Variants in CSMD1 observed in about 807,000 individuals in gnomAD.
The protein encoded by CSMD1 is CUB and Sushi multiple domains 1.
CSMD1 carries 213 observed loss-of-function variants against 417.5 expected under a neutral mutation model. That is an observed-to-expected ratio of 0.51 (90% confidence interval 0.46 to 0.57). The LOEUF (loss-of-function observed/expected upper bound fraction) is 0.57. Among genes scored for constraint, CSMD1 ranks in the 20% least tolerant of loss-of-function variants. The pLI is 0.00. For missense variants in CSMD1, 6,923 were observed against 4,529.7 expected (o/e 1.53, Z -15.17); for synonymous variants, 2,862 against 1,736.8 (o/e 1.65, Z -16.11).
intron 1 of CSMD1, among the ~76,000 whole-genome samples, chr8:4,981,085 C>T (rs1251721296): frequency 6.6e-6 from 1 of 152,146 alleles, no homozygotes. Flanking sequence ...TGCATCTTTG[C>T]AGATATTTCC....
chr8:3,937,163 G>A (rs1432589137), intron 5 of CSMD1, among the ~76,000 whole-genome samples: 1 of 152,156 alleles, frequency 6.6e-6, no homozygotes, highest in African/African-American at 2.4e-5. Flanking sequence ...TTCTTTAGAT[G>A]AAATCTACTC....
intron 7 of CSMD1, among the ~76,000 whole-genome samples, chr8:3,636,304 A>C (rs1797043366): frequency 6.6e-6 from 1 of 152,148 alleles, no homozygotes; most frequent in Non-Finnish European, 1.5e-5. Flanking sequence ...AGGCTGTTGT[A>C]CAGGCCGGGA....
chr8:4,897,372 C>G (rs1804565759), intron 1 of CSMD1, among the ~76,000 whole-genome samples: 2 of 151,986 alleles, frequency 1.3e-5, no homozygotes. Context: ...GAGTGGGGTA[C>G]CAATTCAATC....
At chr8:4,773,703 A>T (rs1236699558) in intron 1 of CSMD1, among the ~76,000 whole-genome samples, 2 of 152,184 alleles carry the variant, frequency 1.3e-5, no homozygotes, top group Non-Finnish European at 2.9e-5. Flanking sequence ...ACGCTAGTGT[A>T]TAAGCACCAC....
chr8:4,434,614 C>G (rs962954220), intron 2 of CSMD1, among the ~76,000 whole-genome samples: 2 of 152,138 alleles, frequency 1.3e-5, no homozygotes, highest in East Asian at 1.9e-4. Context: ...CCAAAATTTC[C>G]ACCCAATTAA....
At chr8:3,364,153 A>G (rs1035401410) in intron 20 of CSMD1, among the ~76,000 whole-genome samples, 1 of 150,326 alleles carries the variant, frequency 6.7e-6, no homozygotes, top group Non-Finnish European at 1.5e-5. Flanking sequence ...AGTTATTTGT[A>G]TACTTAAAAA....
chr8:3,905,659 CTGCCAGTCCAGGAACCACT>C (rs1361234289), intron 5 of CSMD1, among the ~76,000 whole-genome samples: 1 of 152,212 alleles, frequency 6.6e-6, no homozygotes, highest in Non-Finnish European at 1.5e-5. Context: ...AATGCTCATA[CTGCCAGTCCAGGAACCACT>C]CTTTGAGAAC....
At chr8:4,124,339 G>C (rs1177758780) in intron 3 of CSMD1, among the ~76,000 whole-genome samples, 1 of 152,150 alleles carries the variant, frequency 6.6e-6, no homozygotes, top group Non-Finnish European at 1.5e-5. Flanking sequence ...TTCTAAATGA[G>C]AAACTTTTCT....
At chr8:3,921,809 T>C (rs1307016887) in intron 5 of CSMD1, among the ~76,000 whole-genome samples, 1 of 152,162 alleles carries the variant, frequency 6.6e-6, no homozygotes, top group Non-Finnish European at 1.5e-5. Flanking sequence ...TAACATATGA[T>C]CTATCCTGGA....
At chr8:4,291,605 T>C (rs1170434660) in intron 3 of CSMD1, among the ~76,000 whole-genome samples, 1 of 152,210 alleles carries the variant, frequency 6.6e-6, no homozygotes, top group African/African-American at 2.4e-5. Context: ...TCTGTGGTCA[T>C]TTTTCTTGTG....
chr8:3,414,877 T>A (rs186788288), intron 12 of CSMD1, among the ~76,000 whole-genome samples: 1 of 152,194 alleles, frequency 6.6e-6, no homozygotes, highest in Non-Finnish European at 1.5e-5. Context: ...AGTCTGCGCT[T>A]GCTCGGGGAT....
chr8:4,451,783 A>ATTGT (rs1170947667), intron 2 of CSMD1, among the ~76,000 whole-genome samples: 2 of 152,082 alleles, frequency 1.3e-5, no homozygotes, highest in Non-Finnish European at 2.9e-5. Context: ...GTATTTGAGC[A>ATTGT]GGATCCACAA....
chr8:4,097,977 C>A (rs1801109145), intron 3 of CSMD1, among the ~76,000 whole-genome samples: 1 of 152,076 alleles, frequency 6.6e-6, no homozygotes, highest in Non-Finnish European at 1.5e-5. Flanking sequence ...TTTTTAGAAT[C>A]TGTGGATCAG....
chr8:4,393,245 G>C (rs1409861407), intron 3 of CSMD1, among the ~76,000 whole-genome samples: 2 of 152,082 alleles, frequency 1.3e-5, no homozygotes, highest in Non-Finnish European at 2.9e-5. Context: ...CAAAGTGCTG[G>C]GATTACAGGC....
chr8:3,338,881 T>A (rs1003344412), intron 23 of CSMD1, among the ~76,000 whole-genome samples: 3 of 151,600 alleles, frequency 2.0e-5, no homozygotes, highest in African/African-American at 4.8e-5. Context: ...CATGTGCACA[T>A]TGTGCAGGTT....
chr8:3,533,862 G>A (rs1798080945), intron 10 of CSMD1, among the ~76,000 whole-genome samples: 1 of 152,092 alleles, frequency 6.6e-6, no homozygotes, highest in Non-Finnish European at 1.5e-5. Context: ...TAGTCTGTAG[G>A]TATCTACAAT....
chr8:4,208,047 G>A (rs1299969890), intron 3 of CSMD1, among the ~76,000 whole-genome samples: 2 of 151,974 alleles, frequency 1.3e-5, no homozygotes, highest in Non-Finnish European at 1.5e-5. Flanking sequence ...AATATATGAG[G>A]GTAATTCACT....
intron 1 of CSMD1, among the ~76,000 whole-genome samples, chr8:4,848,227 A>G (rs2116816664): frequency 6.6e-6 from 1 of 152,190 alleles, no homozygotes; most frequent in East Asian, 1.9e-4. Flanking sequence ...ATCTAGTGAT[A>G]GACTATTGGG....
At chr8:3,536,721 TC>T (rs1798216164) in intron 10 of CSMD1, among the ~76,000 whole-genome samples, 1 of 152,118 alleles carries the variant, frequency 6.6e-6, no homozygotes, top group South Asian at 2.1e-4. Flanking sequence ...CCTCCTCCGG[TC>T]TTGCAGGTGG....
Sources: allele counts gnomAD v4.1 joint callset (sites outside exome capture counted in the v4.1 genomes callset), GRCh38; gene constraint gnomAD v4.1.1; transcripts MANE v1.5; gene names NCBI Gene and HGNC (gene_info 2026-07-23, HGNC 2026-07-21).